EEF2KMT: variants seen among roughly 807,000 people sequenced by gnomAD.
EEF2KMT encodes eukaryotic elongation factor 2 lysine methyltransferase.
Under a neutral mutation model 35.1 loss-of-function variants are expected in EEF2KMT, and 30 were observed. The observed-to-expected ratio is 0.85, with a 90% CI of 0.64 to 1.16. EEF2KMT has a LOEUF of 1.16. Ranked by LOEUF, EEF2KMT falls within the 50% of genes most tolerant of loss-of-function variation. The pLI is 0.00. For missense variants in EEF2KMT, 499 were observed against 438.2 expected, an observed-to-expected ratio of 1.14 and a Z score of -1.24; for synonymous variants, 190 against 187.7, an observed-to-expected ratio of 1.01 and a Z score of -0.10.
At position 5,093,388 on chromosome 16, in the gene EEF2KMT, T is replaced by C. The variant is rs1596278638; in HGVS notation, c.240+96A>G. The C allele has an allele frequency of 3.2e-6, 5 of 1,584,070 alleles. No individual in the cohort carries two copies. The East Asian group carries it at 1.1e-4, about 36-fold the overall frequency. ...TGGGGAGGCCCCTGCCATGCTGGGG[T>C]TTGCAAAGCAGGCCCAGGGCCTGGG... On this transcript the variant is annotated intron_variant, in intron 3 of 7. Coordinates refer to ENST00000427587, the MANE Select transcript of EEF2KMT (RefSeq NM_201400.4).
rs1047502 is a variant in EEF2KMT, at chr16:5,085,585, T to C, written c.*47A>G. The C allele has an allele frequency of 5.2e-4, 686 of 1,321,962 alleles. No individual in the cohort carries two copies. The highest frequency in any genetic ancestry group is 6.9e-4 in the Non-Finnish European group (634 of 915,890). The allele number at this position is 1,321,962 out of a possible 1,614,324, so 81.9% of individuals were successfully genotyped here. A position where few individuals can be genotyped will look rare whatever the true frequency, so the allele number is the denominator to read the frequency against. ...CTTTCCCATATAAAAATTCTTCCCA[T>C]GAGAGTGACTTGATTCTCACAATCC... On this transcript the variant is annotated 3_prime_UTR_variant, in exon 8 of 8. Coordinates refer to ENST00000427587, the MANE Select transcript of EEF2KMT (RefSeq NM_201400.4).
intron 2 of EEF2KMT, among the ~76,000 whole-genome samples, chr16:5,094,262 C>T (rs553145913): frequency 6.6e-6 from 1 of 152,220 alleles, no homozygotes; most frequent in East Asian, 1.9e-4. Context: ...CAGGCTGGTG[C>T]TGGTTTTTCA....
intron 7 of EEF2KMT, among the ~76,000 whole-genome samples, chr16:5,088,493 G>C (rs1032240722): frequency 5.9e-5 from 9 of 152,134 alleles, no homozygotes; most frequent in African/African-American, 2.2e-4. Context: ...GTGGAGGCGT[G>C]AGAGCCAGGT....
At chr16:5,086,299 C>T (rs1399106456) in intron 7 of EEF2KMT, among the ~76,000 whole-genome samples, 1 of 145,900 alleles carries the variant, frequency 6.9e-6, no homozygotes, top group African/African-American at 2.5e-5. Context: ...TGTGCCACTG[C>T]ACTCCAGCCT....
chr16:5,094,508 C>G (rs1264701752), intron 2 of EEF2KMT, among the ~76,000 whole-genome samples: 3 of 152,146 alleles, frequency 2.0e-5, no homozygotes, highest in African/African-American at 7.2e-5. Context: ...GGTGATCTGT[C>G]CACCTCAGCC....
At chr16:5,087,445 C>T (rs1159248811) in intron 7 of EEF2KMT, 1 of 152,186 alleles carries the variant, frequency 6.6e-6, no homozygotes, top group Non-Finnish European at 1.5e-5. Flanking sequence ...GCGTCAGCCT[C>T]CTGAGGAGTT....
At position 5,084,967 on chromosome 16, in the gene EEF2KMT, C is replaced by G; in HGVS notation, c.*665G>C. ...GAGTCTCAGGGCAAACCCTTTCGAG[C>G]AGCACCTCCCAGTGGCCAGAAGCTG... is the stretch of plus-strand genomic sequence containing the variant. On this transcript the variant is annotated 3_prime_UTR_variant, in exon 8 of 8. Coordinates refer to ENST00000427587, the MANE Select transcript of EEF2KMT (RefSeq NM_201400.4). The G allele has an allele frequency of 1.3e-6, 2 of 1,590,566 alleles. No individual in the cohort carries two copies. The highest frequency in any genetic ancestry group is 8.5e-7 in the Non-Finnish European group (1 of 1,174,570).
rs1006691414 is a variant in EEF2KMT, at chr16:5,084,302, G to C, written c.*1330C>G. On this transcript the variant is annotated 3_prime_UTR_variant, in exon 8 of 8. Coordinates refer to ENST00000427587, the MANE Select transcript of EEF2KMT (RefSeq NM_201400.4). ...GATCATCTGTAGATTAAGGGGTGTG[G>C]CTTTGTTCCAATAAAACTTTATTTA... 4 of 347,394 alleles carry C rather than the reference G, an allele frequency of 1.2e-5. No homozygotes were observed. The highest frequency in any genetic ancestry group is 6.3e-5 in the African/African-American group (3 of 47,478). 21.5% of individuals were successfully genotyped at this position (347,394 alleles called of 1,614,324 possible). A position where few individuals can be genotyped will look rare whatever the true frequency, so the allele number is the denominator to read the frequency against.
intron 1 of EEF2KMT, among the ~76,000 whole-genome samples, chr16:5,096,242 C>T (rs1004494283): frequency 2.0e-5 from 3 of 152,228 alleles, no homozygotes; most frequent in African/African-American, 4.8e-5. Flanking sequence ...GAAGGCTTCC[C>T]TGATTCCCTG....
chr16:5,095,138 C>G (rs1195826401), intron 2 of EEF2KMT, among the ~76,000 whole-genome samples: 1 of 152,212 alleles, frequency 6.6e-6, no homozygotes, highest in African/African-American at 2.4e-5. Context: ...GAACATCAAC[C>G]AAATGCTAGA....
rs1413534072 is a variant in EEF2KMT at position 5,095,650 on chromosome 16, G to A, written c.97-136C>T. The A allele has an allele frequency of 7.2e-6, 10 of 1,391,344 alleles. No homozygotes were observed. In the East Asian group the frequency reaches 2.3e-4, roughly 32 times the overall value. 86.2% of individuals were successfully genotyped at this position (1,391,344 alleles called of 1,614,324 possible). On this transcript the variant is annotated intron_variant, in intron 1 of 7. Coordinates refer to ENST00000427587, the MANE Select transcript of EEF2KMT (RefSeq NM_201400.4). ...CCAGTTGGAAGTGGAAGCCACAGCG[G>A]CTGAAAGCCTGACATTCAGATGTCG...
chr16:5,086,710 C>T (rs968526335), intron 7 of EEF2KMT: 8 of 150,548 alleles, frequency 5.3e-5, no homozygotes, highest in Non-Finnish European at 8.9e-5. Flanking sequence ...TTACTCTGTT[C>T]CCCAGGCTGG....
rs142429968 is a variant in EEF2KMT at position 5,084,559 on chromosome 16, T to C, written c.*1073A>G. ...TGGGAAAGTGGGACATGCGGGGAAG[T>C]TTCCAGAAACTGTGATGTCAAGTTG... On this transcript the variant is annotated 3_prime_UTR_variant, in exon 8 of 8. Transcript: ENST00000427587. 3.2e-6 allele frequency: 3 copies of C among 931,588 alleles called. No individual in the cohort carries two copies. The African/African-American group carries it at 4.9e-5, about 15-fold the overall frequency. The allele number at this position is 931,588 out of a possible 1,614,324, so 57.7% of individuals were successfully genotyped here. A position where few individuals can be genotyped will look rare whatever the true frequency, so the allele number is the denominator to read the frequency against.
chr16:5,089,263 T>C lies in EEF2KMT; in HGVS notation c.743-7A>G. The C allele has an allele frequency of 1.2e-6, 2 of 1,602,526 alleles. No individual in the cohort carries two copies. Among genetic ancestry groups the C allele is most frequent in the Non-Finnish European group, 1.7e-6 (2 of 1,179,764 alleles). ...TCTGGGCAATACAGCACATCTATGG[T>C]GAAAGCTTCAGGTTACTGAAAGGGA... On this transcript the variant is annotated splice_region_variant and splice_polypyrimidine_tract_variant and intron_variant, in intron 6 of 7. Transcript: ENST00000427587.
In EEF2KMT at chr16:5,090,324, C is replaced by A. The variant is rs558243756; in HGVS notation, c.502G>T (p.Ala168Ser). The change falls in exon 6 of 8, where the codon GCT (alanine) becomes TCT (serine). Residue 168 changes from alanine (A) to serine (S), a missense_variant. Coordinates refer to ENST00000427587, the MANE Select transcript of EEF2KMT (RefSeq NM_201400.4). This position sits in a 1 kb window ranked among gnomAD's most constrained non-coding sequence, Gnocchi z 4.1. Reference protein sequence around the residue: ...NRTVLELGSGAGLTGLAICKM... With the variant: ...NRTVLELGSGSGLTGLAICKM... Reference sequence around the variant, plus strand: ...CAGATGGCCAGGCCTGTGAGGCCAGCACCACTGCCAAGCTCTAGGACAGTC... The same window carrying A: ...CAGATGGCCAGGCCTGTGAGGCCAGAACCACTGCCAAGCTCTAGGACAGTC... 48 of 1,611,946 alleles carry A rather than the reference C, an allele frequency of 3.0e-5. No individual in the cohort carries two copies. The highest frequency in any genetic ancestry group is 3.6e-5 in the Non-Finnish European group (43 of 1,179,872).
intron 1 of EEF2KMT, 104 bp from the exon 2 acceptor site, chr16:5,095,618 C>T (rs1412863827): frequency 2.4e-5 from 38 of 1,564,022 alleles, no homozygotes; most frequent in South Asian, 5.6e-5. Flanking sequence ...TCCCTGGGGA[C>T]GTGGAGCCAG....
rs1287203040 is a variant in EEF2KMT, at chr16:5,084,416, G to A, written c.*1216C>T. 16 of 501,016 alleles carry A rather than the reference G, an allele frequency of 3.2e-5. No individual in the cohort carries two copies. Among genetic ancestry groups the A allele is most frequent in the African/African-American group, 1.9e-4 (10 of 51,638 alleles). The allele number at this position is 501,016 out of a possible 1,614,324, so 31.0% of individuals were successfully genotyped here. A position where few individuals can be genotyped will look rare whatever the true frequency, so the allele number is the denominator to read the frequency against. ...GTTTAGCAAGGCTGCAAAGAACACC[G>A]ACACCCCCTTGTTACCCACAGATGG... is the stretch of plus-strand genomic sequence containing the variant. On this transcript the variant is annotated 3_prime_UTR_variant, in exon 8 of 8. Coordinates refer to ENST00000427587, the MANE Select transcript of EEF2KMT (RefSeq NM_201400.4).
rs1313205757 is a variant in EEF2KMT, at chr16:5,090,280, C to T, written c.546G>A (p.Arg182=). The change falls in exon 6 of 8, where the codon CGG becomes CGA. Residue 182 remains arginine, a synonymous_variant. Transcript: ENST00000427587. This position sits in a 1 kb window ranked among gnomAD's most constrained non-coding sequence, Gnocchi z 4.1. ...GLAICKMCRP[R]AYIFSDCHSR... Reference sequence around the variant, plus strand: ...TGTGACAGTCGCTGAAGATGTATGCCCGGGGGCGGCACATCTTGCAGATGG... The same window carrying T: ...TGTGACAGTCGCTGAAGATGTATGCTCGGGGGCGGCACATCTTGCAGATGG... 6.8e-6 allele frequency: 11 copies of T among 1,612,050 alleles called. No individual in the cohort carries two copies. The highest frequency in any genetic ancestry group is 2.2e-5 in the East Asian group (1 of 44,884).
rs1361646733 is a variant in EEF2KMT at position 5,087,437 on chromosome 16, G to C, written c.892+1670C>G. 3 of 152,234 alleles carry C rather than the reference G, an allele frequency of 2.0e-5. No individual in the cohort carries two copies. In the South Asian group the frequency reaches 6.2e-4, roughly 32 times the overall value. 9.4% of individuals were successfully genotyped at this position (152,234 alleles called of 1,614,324 possible). ...TCCTGGGCTTAAGCCATCCTCCCGC[G>C]TCAGCCTCCTGAGGAGTTGGGAATA... On this transcript the variant is annotated intron_variant, in intron 7 of 7. Transcript: ENST00000427587.
Sources: allele counts gnomAD v4.1 joint callset (sites outside exome capture counted in the v4.1 genomes callset), GRCh38; gene constraint gnomAD v4.1.1; non-coding constraint Gnocchi (gnomAD v3.1); transcripts MANE v1.5; gene names NCBI Gene and HGNC (gene_info 2026-07-23, HGNC 2026-07-21).